The following PPP4R4 variants were observed in gnomAD, a reference collection of about 807,000 sequenced individuals.
PPP4R4 encodes the protein protein phosphatase 4 regulatory subunit 4.
Under a neutral mutation model 121.8 loss-of-function variants are expected in PPP4R4, and 70 were observed. That is an observed-to-expected ratio of 0.57 (90% CI 0.47 to 0.70). The LOEUF is 0.70. Ranked by LOEUF, PPP4R4 falls within the 30% of genes least tolerant of loss-of-function variation. The probability of loss-of-function intolerance (pLI) is 0.00; values close to 1 mark genes in which losing one functional copy is unlikely to be tolerated. For missense variants in PPP4R4, 875 were observed against 1,033.6 expected, an observed-to-expected ratio of 0.85 and a Z score of 2.10; for synonymous variants, 348 against 355.7, an observed-to-expected ratio of 0.98 and a Z score of 0.24.
chr14:94,219,978 C>T (rs903148566), intron 3 of PPP4R4, among the ~76,000 whole-genome samples: 1 of 152,190 alleles, frequency 6.6e-6, no homozygotes. Flanking sequence ...AATCCTAGCA[C>T]TTTCGGAGGC....
At chr14:94,227,483 C>G (rs942763694) in intron 3 of PPP4R4, 1 of 1,439,718 alleles carries the variant, frequency 6.9e-7, no homozygotes, top group Non-Finnish European at 9.1e-7. Flanking sequence ...GGTTTCTTAA[C>G]AGTGGACAGT....
chr14:94,238,005 C>T (rs1892437251), intron 8 of PPP4R4, among the ~76,000 whole-genome samples: 1 of 152,208 alleles, frequency 6.6e-6, no homozygotes, highest in Non-Finnish European at 1.5e-5. Flanking sequence ...ATGAGGGCCT[C>T]ATGCCACCTC....
At chr14:94,254,421 C>A (rs962701246) in intron 16 of PPP4R4, among the ~76,000 whole-genome samples, 2 of 152,124 alleles carry the variant, frequency 1.3e-5, no homozygotes, top group Admixed American at 1.3e-4. Context: ...GATTGATACT[C>A]CTTAATTAGA....
At chr14:94,210,555 A>G (rs905671845) in intron 3 of PPP4R4, among the ~76,000 whole-genome samples, 3 of 152,098 alleles carry the variant, frequency 2.0e-5, no homozygotes, top group Non-Finnish European at 4.4e-5. Context: ...GATTTCACTC[A>G]TTTATTTTAC....
intron 16 of PPP4R4, among the ~76,000 whole-genome samples, chr14:94,252,351 T>G (rs755199104): frequency 2.0e-5 from 3 of 152,198 alleles, no homozygotes; most frequent in Non-Finnish European, 4.4e-5. Context: ...TGTTTTGCCT[T>G]ATATTATTGA....
In PPP4R4 at chr14:94,218,735, T is replaced by TG. The variant is rs534784550; in HGVS notation, c.294+10170dup. 5.9e-4 allele frequency among the ~76,000 whole-genome samples: 33 copies of TG among 56,228 alleles called. 1 individual carries two copies. Among genetic ancestry groups the TG allele is most frequent in the African/African-American group, 2.2e-3 (31 of 14,244 alleles). The allele number at this position is 56,228 out of a possible 152,430, so 36.9% of individuals were successfully genotyped here. Reference sequence around the variant, plus strand: ...CACCCTCACCCCTAGACACCGCACGTGCGCGCGCGCACACACACACACACA... The same window carrying TG: ...CACCCTCACCCCTAGACACCGCACGTGGCGCGCGCGCACACACACACACACA... On this transcript the variant is annotated intron_variant, in intron 3 of 24. Coordinates refer to ENST00000304338, the MANE Select transcript of PPP4R4 (RefSeq NM_058237.2).
chr14:94,233,749 G>C lies in PPP4R4; in HGVS notation c.613G>C (p.Asp205His), dbSNP rs1001212064. Residue 205 changes from aspartate (D) to histidine (H), a missense_variant, in exon 6 of 25, where the codon GAT (aspartate) becomes CAT (histidine). Transcript: ENST00000304338. ...TTTAGGAAAATTGACCAACAAATTT[G>C]ATGCCCACACGTGAGTATTTGTATG... ...KILGKLTNKF[D>H]AHTIKREILP... 2.6e-6 allele frequency: 4 copies of C among 1,559,790 alleles called. No individual in the cohort carries two copies. In the Admixed American group the frequency reaches 6.8e-5, roughly 26 times the overall value.
At chr14:94,194,928 A>C (rs1447674007) in intron 2 of PPP4R4, among the ~76,000 whole-genome samples, 2 of 152,204 alleles carry the variant, frequency 1.3e-5, no homozygotes, top group Non-Finnish European at 2.9e-5. Context: ...ACCTTTTCAC[A>C]AACTCCTTAT....
chr14:94,174,982 C>G (rs1888594479), intron 1 of PPP4R4, among the ~76,000 whole-genome samples: 1 of 147,742 alleles, frequency 6.8e-6, no homozygotes, highest in Admixed American at 6.7e-5. Context: ...CGCCCCCCCC[C>G]CCCAAAGGAG....
Position 94,233,668 on chromosome 14 carries a change from G to C in PPP4R4, c.532G>C (p.Val178Leu), listed in dbSNP as rs1391645497. 1 of 1,589,836 alleles carries C rather than the reference G, an allele frequency of 6.3e-7. No individual in the cohort carries two copies. Among genetic ancestry groups the C allele is most frequent in the Non-Finnish European group, 8.6e-7 (1 of 1,166,970 alleles). The change falls in exon 6 of 25, where the codon GTT becomes CTT. Residue 178 changes from valine (V) to leucine (L), a missense_variant. Physicochemically the swap from Val to Leu is conservative, Grantham distance 32. Transcript: ENST00000304338. ...TLRHEILNPL[V>L]SKAQLSQTVQ... ...TTCTCTTTAGATTTTGAATCCACTT[G>C]TTTCCAAGGCACAACTTTCCCAAAC...
At chr14:94,258,167 C>G (rs939677884) in intron 17 of PPP4R4, among the ~76,000 whole-genome samples, 1 of 152,144 alleles carries the variant, frequency 6.6e-6, no homozygotes, top group African/African-American at 2.4e-5. Context: ...TGGGCATATG[C>G]ATATCCAAAT....
chr14:94,254,671 ATAAT>A (rs1893368810), intron 16 of PPP4R4, among the ~76,000 whole-genome samples: 1 of 152,226 alleles, frequency 6.6e-6, no homozygotes, highest in Non-Finnish European at 1.5e-5. Flanking sequence ...ATAAAAAATA[ATAAT>A]TTGTAGAGCA....
intron 8 of PPP4R4, among the ~76,000 whole-genome samples, chr14:94,238,029 GA>G (rs1892439391): frequency 6.6e-6 from 1 of 152,214 alleles, no homozygotes; most frequent in Admixed American, 6.5e-5. Context: ...ATCTGGCAGA[GA>G]AGTGGAAGGT....
intron 24 of PPP4R4, among the ~76,000 whole-genome samples, chr14:94,277,403 A>C (rs1048615195): frequency 2.0e-5 from 3 of 152,078 alleles, no homozygotes; most frequent in African/African-American, 7.2e-5. Context: ...GCAAAGTTCA[A>C]CTCAGCGCAC....
Position 94,251,740 on chromosome 14 carries a change from T to G in PPP4R4, c.1718-9T>G, listed in dbSNP as rs887549986. The G allele has an allele frequency of 6.6e-7, 1 of 1,525,884 alleles. No individual in the cohort carries two copies. Among genetic ancestry groups the G allele is most frequent in the Non-Finnish European group, 8.8e-7 (1 of 1,138,812 alleles). The allele number at this position is 1,525,884 out of a possible 1,614,324, so 94.5% of individuals were successfully genotyped here. A position where few individuals can be genotyped will look rare whatever the true frequency, so the allele number is the denominator to read the frequency against. ...ATTAACTTAAGATAATTTTTGTTGT[T>G]GTTTCTAGAATTGGGCCAAGGAAAA... On this transcript the variant is annotated splice_polypyrimidine_tract_variant and intron_variant, in intron 15 of 24. Coordinates refer to ENST00000304338, the MANE Select transcript of PPP4R4 (RefSeq NM_058237.2).
intron 14 of PPP4R4, among the ~76,000 whole-genome samples, chr14:94,248,060 CA>C (rs1892986785): frequency 6.6e-6 from 1 of 152,086 alleles, no homozygotes; most frequent in Non-Finnish European, 1.5e-5. Flanking sequence ...AAGTCCTAGG[CA>C]GAGCAATCAG....
intron 11 of PPP4R4, among the ~76,000 whole-genome samples, chr14:94,243,324 A>G (rs981804194): frequency 6.6e-6 from 1 of 152,124 alleles, no homozygotes; most frequent in African/African-American, 2.4e-5. Context: ...TGTAAAACAC[A>G]CCTGTAGAAC....
chr14:94,175,979 A>G (rs1212169041), intron 1 of PPP4R4, 75 bp from the exon 2 acceptor site: 6 of 1,108,408 alleles, frequency 5.4e-6, no homozygotes. Flanking sequence ...ATCCTCATAG[A>G]GGGTCACTGG....
intron 2 of PPP4R4, among the ~76,000 whole-genome samples, chr14:94,189,910 T>C (rs1889500380): frequency 6.6e-6 from 1 of 152,216 alleles, no homozygotes; most frequent in Admixed American, 6.5e-5. Flanking sequence ...CCAGAACCAG[T>C]GCCTGGCACC....
Sources: gnomAD v4.1 joint callset for allele counts (sites outside exome capture counted in the v4.1 genomes callset) on GRCh38, gnomAD v4.1.1 for gene constraint, MANE v1.5 for transcripts, NCBI Gene and HGNC (gene_info 2026-07-23, HGNC 2026-07-21) for gene names.